The following PHLDB2 variants were observed in gnomAD, a reference collection of about 807,000 sequenced individuals.
The protein encoded by PHLDB2 is pleckstrin homology-like domain family B member 2.
A neutral mutation model predicts 123.6 loss-of-function variants in PHLDB2; 71 were observed. That is an observed-to-expected ratio of 0.57 (90% CI 0.47 to 0.70). PHLDB2 has a LOEUF of 0.70. Among genes scored for constraint, PHLDB2 ranks in the 30% least tolerant of loss-of-function variants. The pLI is 0.00. For missense variants in PHLDB2, 1,446 were observed against 1,519.5 expected (o/e 0.95, Z 0.80); for synonymous variants, 547 against 541.6 (o/e 1.01, Z -0.14).
intron 5 of PHLDB2, among the ~76,000 whole-genome samples, chr3:111,921,493 A>G (rs533123057): frequency 2.6e-5 from 4 of 152,194 alleles, no homozygotes; most frequent in Non-Finnish European, 5.9e-5. Flanking sequence ...GGTAGTCAGA[A>G]ATAAAGTCAA....
rs754686228 is a variant in PHLDB2, at chr3:111,954,047, C to T, written c.2872+18C>T. 6.2e-7 allele frequency: 1 copy of T among 1,600,654 alleles called. No homozygotes were observed. Among genetic ancestry groups the T allele is most frequent in the South Asian group, 1.1e-5 (1 of 90,414 alleles). ...GCTCAGAGGTACGTACCTTTTAAAT[C>T]AAGTGTCATGGCCTTTTGTTAAGCA... On this transcript the variant is annotated intron_variant, in intron 12 of 17. Transcript: ENST00000431670.
At chr3:111,842,470 C>T (rs575266562) in intron 1 of PHLDB2, among the ~76,000 whole-genome samples, 3 of 152,306 alleles carry the variant, frequency 2.0e-5, no homozygotes, top group Admixed American at 2.0e-4. Flanking sequence ...TTAGGGTTCA[C>T]TCTTGGTATT....
chr3:111,929,100 A>C (rs1370729125), intron 5 of PHLDB2, among the ~76,000 whole-genome samples: 3 of 152,104 alleles, frequency 2.0e-5, no homozygotes, highest in African/African-American at 7.2e-5. Context: ...CCATCTCTTC[A>C]GATAAAAAAT....
At chr3:111,860,981 T>G (rs1375136159) in intron 1 of PHLDB2, among the ~76,000 whole-genome samples, 1 of 152,208 alleles carries the variant, frequency 6.6e-6, no homozygotes, top group Non-Finnish European at 1.5e-5. Context: ...CTTCCTAGTT[T>G]GGTTTAATTT....
intron 16 of PHLDB2, among the ~76,000 whole-genome samples, chr3:111,970,510 G>A (rs1029672326): frequency 4.6e-5 from 7 of 152,294 alleles, no homozygotes; most frequent in Admixed American, 3.9e-4. Flanking sequence ...AGCACAGAGA[G>A]TAAAGCTCAT....
chr3:111,952,543 G>A (rs1368360929), intron 10 of PHLDB2, 29 bp from the exon 11 acceptor site: 1 of 1,595,550 alleles, frequency 6.3e-7, no homozygotes, highest in Admixed American at 1.8e-5. Flanking sequence ...GTCAAGTTTT[G>A]CTATTTTGCT....
At position 111,894,580 on chromosome 3, in the gene PHLDB2, C is replaced by T. The variant is rs1373746894; in HGVS notation, c.1335+9168C>T. Among the ~76,000 whole-genome samples, 4 of 151,642 alleles carry T rather than the reference C, an allele frequency of 2.6e-5. No individual in the cohort carries two copies. The South Asian group carries it at 8.4e-4, about 32-fold the overall frequency. ...CATCCTCTCCAACATCTGTTGTTTC[C>T]TGACTTTTTAATGATTGCCTTTCTA... On this transcript the variant is annotated intron_variant, in intron 2 of 17. Coordinates refer to ENST00000431670, the MANE Select transcript of PHLDB2 (RefSeq NM_001134438.2).
At chr3:111,814,753 G>C (rs1207446717) in intron 1 of PHLDB2, among the ~76,000 whole-genome samples, 1 of 152,082 alleles carries the variant, frequency 6.6e-6, no homozygotes, top group Non-Finnish European at 1.5e-5. Flanking sequence ...GCAAAATGGG[G>C]AGCTTACAAG....
At chr3:111,807,109 A>T (rs1323835163) in intron 1 of PHLDB2, among the ~76,000 whole-genome samples, 1 of 151,532 alleles carries the variant, frequency 6.6e-6, no homozygotes, top group Non-Finnish European at 1.5e-5. Context: ...AAAAAAATAA[A>T]CCTGGTTTAG....
At chr3:111,778,071 C>T (rs1438880044) in intron 1 of PHLDB2, among the ~76,000 whole-genome samples, 2 of 152,094 alleles carry the variant, frequency 1.3e-5, no homozygotes, top group East Asian at 3.9e-4. Flanking sequence ...GGCACTCATA[C>T]AACCTCTCTG....
intron 6 of PHLDB2, among the ~76,000 whole-genome samples, chr3:111,939,048 T>TC (rs2069694566): frequency 6.6e-6 from 1 of 151,998 alleles, no homozygotes; most frequent in Non-Finnish European, 1.5e-5. Flanking sequence ...CCTCAGGTGA[T>TC]CCCCCCTCCT....
intron 1 of PHLDB2, among the ~76,000 whole-genome samples, chr3:111,785,294 G>C (rs540961954): frequency 2.2e-4 from 34 of 151,954 alleles, no homozygotes; most frequent in African/African-American, 7.7e-4. Flanking sequence ...GATTCTCAAG[G>C]GCTCTTGAGA....
At chr3:111,803,631 T>C (rs1021387134) in intron 1 of PHLDB2, among the ~76,000 whole-genome samples, 1 of 152,192 alleles carries the variant, frequency 6.6e-6, no homozygotes, top group Non-Finnish European at 1.5e-5. Flanking sequence ...GAGGAAATCA[T>C]GGGCTTTGAA....
intron 2 of PHLDB2, among the ~76,000 whole-genome samples, chr3:111,898,248 T>G (rs1189496212): frequency 6.6e-6 from 1 of 151,568 alleles, no homozygotes; most frequent in South Asian, 2.1e-4. Flanking sequence ...GGTGTGATCT[T>G]GGCTCACTGC....
chr3:111,926,952 C>T (rs1311753595), intron 5 of PHLDB2, among the ~76,000 whole-genome samples: 1 of 152,052 alleles, frequency 6.6e-6, no homozygotes, highest in Admixed American at 6.5e-5. Context: ...ATTCCAATAT[C>T]CAAAATACTT....
intron 1 of PHLDB2, among the ~76,000 whole-genome samples, chr3:111,845,379 A>C (rs1047824791): frequency 2.0e-5 from 3 of 150,162 alleles, no homozygotes; most frequent in African/African-American, 7.4e-5. Flanking sequence ...AAAAAAAAAA[A>C]AAAAAACTAT....
At chr3:111,954,278 G>A (rs189034727) in intron 12 of PHLDB2, among the ~76,000 whole-genome samples, 2 of 152,258 alleles carry the variant, frequency 1.3e-5, no homozygotes, top group East Asian at 3.9e-4. Flanking sequence ...AAGACCCCTA[G>A]AGAATTACTA....
At chr3:111,834,340 A>AAT (rs1377095354) in intron 1 of PHLDB2, among the ~76,000 whole-genome samples, 6 of 141,074 alleles carry the variant, frequency 4.3e-5, no homozygotes, top group Non-Finnish European at 9.1e-5. Flanking sequence ...CATTATATAT[A>AAT]ATATATATAT....
intron 1 of PHLDB2, among the ~76,000 whole-genome samples, chr3:111,868,751 A>T (rs1377560328): frequency 6.6e-6 from 1 of 152,184 alleles, no homozygotes; most frequent in African/African-American, 2.4e-5. Context: ...TGATTTATGT[A>T]AAAGTAAGGA....
Sources: allele counts gnomAD v4.1 joint callset (sites outside exome capture counted in the v4.1 genomes callset), GRCh38; gene constraint gnomAD v4.1.1; transcripts MANE v1.5; gene names NCBI Gene and HGNC (gene_info 2026-07-23, HGNC 2026-07-21).